PTGER3: variants seen among roughly 807,000 people sequenced by gnomAD.
The protein encoded by PTGER3 is prostaglandin E2 receptor EP3 subtype.
Under a neutral mutation model 34.7 loss-of-function variants are expected in PTGER3, and 22 were observed. The ratio of observed to expected loss-of-function variants is 0.63; its 90% CI spans 0.45 to 0.91. The LOEUF (loss-of-function observed/expected upper bound fraction) is 0.91. Ranked by LOEUF, PTGER3 falls within the 40% of genes least tolerant of loss-of-function variation. PTGER3 has a pLI of 0.00. For synonymous variants in PTGER3, 241 were observed against 230.1 expected, an observed-to-expected ratio of 1.05 and a Z score of -0.43; for missense variants, 468 against 519.4, an observed-to-expected ratio of 0.90 and a Z score of 0.96.
intron 4 of PTGER3, among the ~76,000 whole-genome samples, chr1:70,919,805 C>T (rs1369349905): frequency 6.6e-6 from 1 of 152,082 alleles, no homozygotes; most frequent in Non-Finnish European, 1.5e-5. Context: ...TCATTAGAAG[C>T]CAGAATAGTT....
chr1:70,857,989 AT>A (rs1321670750), intron 4 of PTGER3, among the ~76,000 whole-genome samples: 3 of 152,178 alleles, frequency 2.0e-5, no homozygotes, highest in Non-Finnish European at 4.4e-5. Flanking sequence ...ATTAAACAAA[AT>A]TTTATATTTT....
At chr1:70,939,432 C>A (rs972505282) in intron 4 of PTGER3, among the ~76,000 whole-genome samples, 10 of 152,228 alleles carry the variant, frequency 6.6e-5, no homozygotes, top group Admixed American at 1.3e-4. Flanking sequence ...TACAGCTCCA[C>A]TAGGCAGTGC....
intron 4 of PTGER3, among the ~76,000 whole-genome samples, chr1:70,917,405 G>GTGTGTGTGTGTGTGTGTGTC (rs1647201550): frequency 1.1e-5 from 1 of 87,162 alleles, no homozygotes; most frequent in Non-Finnish European, 2.2e-5. Context: ...ATTTTATTTT[G>GTGTGTGTGTGTGTGTGTGTC]TGTGTGTGTG....
intron 4 of PTGER3, among the ~76,000 whole-genome samples, chr1:70,895,108 T>TC (rs751688905): frequency 6.6e-6 from 1 of 151,302 alleles, no homozygotes; most frequent in Non-Finnish European, 1.5e-5. Flanking sequence ...AATACTGAGT[T>TC]CCCCCCAGCA....
At chr1:70,995,132 T>C (rs769013285) in intron 2 of PTGER3, among the ~76,000 whole-genome samples, 3 of 152,130 alleles carry the variant, frequency 2.0e-5, no homozygotes, top group Non-Finnish European at 4.4e-5. Context: ...AGGAAACAAC[T>C]CTTAGGGTAG....
chr1:70,955,341 T>A (rs532951831), intron 2 of PTGER3, among the ~76,000 whole-genome samples: 14 of 152,340 alleles, frequency 9.2e-5, no homozygotes, highest in South Asian at 8.3e-4. Flanking sequence ...TAAACTTTTT[T>A]AAAGTTTACT....
At chr1:70,950,496 C>A (rs924530935), downstream of PTGER3, among the ~76,000 whole-genome samples, 1 of 152,070 alleles carries the variant, frequency 6.6e-6, no homozygotes, top group African/African-American at 2.4e-5. Context: ...TCACCTTTCA[C>A]GGGAAAAAGG....
At chr1:70,865,569 AG>A in intron 4 of PTGER3, 1 of 1,183,910 alleles carries the variant, frequency 8.4e-7, no homozygotes, top group Non-Finnish European at 1.1e-6. Flanking sequence ...GGCCACAAAA[AG>A]ATAGGTGGGA....
chr1:70,986,950 G>C (rs1337477950), intron 2 of PTGER3, among the ~76,000 whole-genome samples: 1 of 152,124 alleles, frequency 6.6e-6, no homozygotes, highest in Admixed American at 6.6e-5. Flanking sequence ...ACATCTGTAA[G>C]AGTTTTGTTC....
Position 71,047,572 on chromosome 1 carries a change from C to A in PTGER3, c.6G>T (p.Lys2Asn). Reference sequence around the variant, plus strand: ...CATCCCCTCCGTAGCCCCGGGTCTCCTTCATGTTGGCTTCGAGGTGAGGAG... The same window carrying A: ...CATCCCCTCCGTAGCCCCGGGTCTCATTCATGTTGGCTTCGAGGTGAGGAG... Reference protein sequence around the residue: MKETRGYGGDAP... With the variant: MNETRGYGGDAP... The change falls in exon 1 of 4, where the codon AAG (lysine) becomes AAT (asparagine). Residue 2 changes from lysine to asparagine, a missense_variant. By Grantham distance (94) the Lys-to-Asn change is moderately conservative. Transcript: ENST00000306666. 1 of 1,541,604 alleles carries A rather than the reference C, an allele frequency of 6.5e-7. No homozygotes were observed.
At chr1:70,955,827 T>C (rs1247345528) in intron 2 of PTGER3, among the ~76,000 whole-genome samples, 1 of 152,174 alleles carries the variant, frequency 6.6e-6, no homozygotes, top group Non-Finnish European at 1.5e-5. Flanking sequence ...GTTACAGAAA[T>C]ATATTCTAGG....
chr1:70,894,467 G>A (rs17131481), intron 4 of PTGER3, among the ~76,000 whole-genome samples: 28,075 of 152,028 alleles, frequency 0.18, 3,391 homozygotes, highest in Admixed American at 0.34. Context: ...ACATGACCTT[G>A]GATAGTTTAT....
intron 4 of PTGER3, among the ~76,000 whole-genome samples, chr1:70,929,367 T>G (rs747269508): frequency 6.6e-6 from 1 of 152,198 alleles, no homozygotes; most frequent in Non-Finnish European, 1.5e-5. Flanking sequence ...TTTCATAATT[T>G]AAATACATTC....
chr1:70,902,329 C>T (rs959427876), intron 4 of PTGER3, among the ~76,000 whole-genome samples: 4 of 152,038 alleles, frequency 2.6e-5, no homozygotes, highest in African/African-American at 9.7e-5. Flanking sequence ...AGGTGCCATG[C>T]AGTTCTACAC....
intron 4 of PTGER3, among the ~76,000 whole-genome samples, chr1:70,888,020 T>C (rs1646534631): frequency 6.6e-6 from 1 of 152,232 alleles, no homozygotes; most frequent in South Asian, 2.1e-4. Flanking sequence ...TTCATTTTGG[T>C]GTTAAAGCAT....
intron 1 of PTGER3, among the ~76,000 whole-genome samples, chr1:71,020,385 C>T (rs1260512920): frequency 6.6e-6 from 1 of 152,150 alleles, no homozygotes; most frequent in Non-Finnish European, 1.5e-5. Flanking sequence ...CCATCATTTA[C>T]AACTTTAGAA....
chr1:70,909,863 C>T (rs1430709674), intron 4 of PTGER3, among the ~76,000 whole-genome samples: 2 of 152,228 alleles, frequency 1.3e-5, no homozygotes, highest in Admixed American at 6.5e-5. Context: ...CACTCTCGCT[C>T]ACCTCAGAGG....
At chr1:70,906,397 C>A (rs887904527) in intron 4 of PTGER3, among the ~76,000 whole-genome samples, 1 of 152,138 alleles carries the variant, frequency 6.6e-6, no homozygotes, top group Non-Finnish European at 1.5e-5. Flanking sequence ...TCATGGATGC[C>A]TACATTCTAC....
chr1:70,864,397 T>G (rs1250696643), intron 4 of PTGER3, among the ~76,000 whole-genome samples: 1 of 152,202 alleles, frequency 6.6e-6, no homozygotes, highest in Non-Finnish European at 1.5e-5. Context: ...TGCACACTGT[T>G]GACTAATAAC....
Sources: allele counts gnomAD v4.1 joint callset (sites outside exome capture counted in the v4.1 genomes callset), GRCh38; gene constraint gnomAD v4.1.1; transcripts MANE v1.5; gene names NCBI Gene and HGNC (gene_info 2026-07-23, HGNC 2026-07-21).